Variants in RNF220 observed in about 807,000 individuals in gnomAD.
RNF220 encodes the protein E3 ubiquitin-protein ligase RNF220.
RNF220 carries 7 observed loss-of-function variants against 67.1 expected under a neutral mutation model. That is an observed-to-expected ratio of 0.10 (90% CI 0.06 to 0.20). The LOEUF (loss-of-function observed/expected upper bound fraction) is 0.20, where lower values mean the gene tolerates loss of function less well. RNF220 is among the 10% of genes least tolerant of loss of function. RNF220 has a pLI of 1.00. For missense variants in RNF220, 565 were observed against 740.3 expected, an observed-to-expected ratio of 0.76 and a Z score of 2.75; for synonymous variants, 270 against 283.2, an observed-to-expected ratio of 0.95 and a Z score of 0.47.
intron 2 of RNF220, among the ~76,000 whole-genome samples, chr1:44,510,250 AAGAGAG>A (rs370846839): frequency 2.0e-5 from 3 of 147,648 alleles, no homozygotes; most frequent in Admixed American, 6.8e-5. Flanking sequence ...AAAAAAAGGA[AAGAGAG>A]AGAGAGAGAG....
At chr1:44,516,961 C>G (rs950168170) in intron 2 of RNF220, among the ~76,000 whole-genome samples, 3 of 152,030 alleles carry the variant, frequency 2.0e-5, no homozygotes, top group African/African-American at 7.3e-5. Flanking sequence ...AAACTGTTCC[C>G]TCTCCCCTTT....
intron 2 of RNF220, among the ~76,000 whole-genome samples, chr1:44,474,990 AT>A (rs377669968): frequency 0.027 from 4,044 of 150,622 alleles, 91 homozygotes; most frequent in African/African-American, 0.069. Flanking sequence ...CAATTGGAGA[AT>A]TTTTTTTTTC....
intron 2 of RNF220, among the ~76,000 whole-genome samples, chr1:44,500,096 G>A (rs973067308): frequency 3.9e-5 from 6 of 152,180 alleles, no homozygotes; most frequent in African/African-American, 7.2e-5. Context: ...CCCTTGTTCC[G>A]GCCCTTTTAA....
Position 44,650,910 on chromosome 1 carries a change from A to G in RNF220, c.*135A>G. 3 of 685,380 alleles carry G rather than the reference A, an allele frequency of 4.4e-6. No homozygotes were observed. Among genetic ancestry groups the G allele is most frequent in the Non-Finnish European group, 7.7e-6 (3 of 389,294 alleles). The allele number at this position is 685,380 out of a possible 1,614,324, so 42.5% of individuals were successfully genotyped here. On this transcript the variant is annotated 3_prime_UTR_variant, in exon 15 of 15. Transcript: ENST00000361799. This position sits in a 1 kb window ranked among gnomAD's most constrained non-coding sequence, Gnocchi z 4.3. Reference sequence around the variant, plus strand: ...TACATGCACATACTCAAACATGCGTACACACACACACATTTACACACGCAG... The same window carrying G: ...TACATGCACATACTCAAACATGCGTGCACACACACACATTTACACACGCAG...
chr1:44,421,990 A>G (rs1230781521), intron 2 of RNF220, among the ~76,000 whole-genome samples: 2 of 152,194 alleles, frequency 1.3e-5, no homozygotes, highest in Non-Finnish European at 2.9e-5. Flanking sequence ...TCATGGCTCC[A>G]TTTAAAGGAA....
At chr1:44,627,281 G>A (rs192245508) in intron 5 of RNF220, among the ~76,000 whole-genome samples, 74 of 142,446 alleles carry the variant, frequency 5.2e-4, no homozygotes, top group African/African-American at 1.7e-3. Context: ...GGAGGCAGAG[G>A]TTGCAGTGAG....
At chr1:44,644,500 A>G in intron 8 of RNF220, 198 bp from the exon 9 acceptor site, 1 of 568,842 alleles carries the variant, frequency 1.8e-6, no homozygotes, top group South Asian at 2.1e-5. Context: ...AGTAGCAGAG[A>G]AAGATGAGGT....
At chr1:44,435,741 C>T (rs182719173) in intron 2 of RNF220, among the ~76,000 whole-genome samples, 1 of 152,150 alleles carries the variant, frequency 6.6e-6, no homozygotes, top group Admixed American at 6.5e-5. Flanking sequence ...ACCAGCCTGA[C>T]CAATATGGTG....
chr1:44,466,118 T>C (rs1381472110), intron 2 of RNF220, among the ~76,000 whole-genome samples: 2 of 152,250 alleles, frequency 1.3e-5, no homozygotes, highest in Non-Finnish European at 2.9e-5. Context: ...TCAACTAAGT[T>C]TATGTAAGAT....
At chr1:44,515,433 A>G (rs947838996) in intron 2 of RNF220, among the ~76,000 whole-genome samples, 1 of 152,218 alleles carries the variant, frequency 6.6e-6, no homozygotes, top group Non-Finnish European at 1.5e-5. Context: ...AATGATCCAC[A>G]GGATTGGCAT....
rs1658090034 is a variant in RNF220 at position 44,503,213 on chromosome 1, A to G, written c.625+90491A>G. On this transcript the variant is annotated intron_variant, in intron 2 of 14. Coordinates refer to ENST00000361799, the MANE Select transcript of RNF220 (RefSeq NM_018150.4). Reference sequence around the variant, plus strand: ...GCTGGGTATGGTGGCACATGCCTGTAATCCCAGCTATTTGGGAGGCTGAGG... The same window carrying G: ...GCTGGGTATGGTGGCACATGCCTGTGATCCCAGCTATTTGGGAGGCTGAGG... Among the ~76,000 whole-genome samples the G allele has an allele frequency of 2.0e-5, 3 of 151,982 alleles. 1 individual carries two copies. The Middle Eastern group carries it at 0.01, about 517-fold the overall frequency.
chr1:44,637,399 G>A (rs191638147), intron 8 of RNF220, among the ~76,000 whole-genome samples: 71 of 152,356 alleles, frequency 4.7e-4, no homozygotes, highest in Middle Eastern at 6.8e-3. Flanking sequence ...TGGAGCCTTC[G>A]AGTATCTGAG....
intron 2 of RNF220, among the ~76,000 whole-genome samples, chr1:44,579,254 G>C (rs950199109): frequency 5.3e-5 from 8 of 152,136 alleles, no homozygotes; most frequent in Admixed American, 5.2e-4. Flanking sequence ...GAAGAAGCAG[G>C]CAGAGGGGCT....
intron 1 of RNF220, among the ~76,000 whole-genome samples, chr1:44,408,024 G>A (rs958761010): frequency 5.3e-5 from 8 of 152,236 alleles, no homozygotes; most frequent in African/African-American, 1.4e-4. Context: ...TTCGTGCGGA[G>A]GTTGTTGGGA....
At chr1:44,551,482 T>TAG (rs1372235376) in intron 2 of RNF220, among the ~76,000 whole-genome samples, 3 of 152,148 alleles carry the variant, frequency 2.0e-5, no homozygotes, top group Non-Finnish European at 2.9e-5. Context: ...ATAATTTCCT[T>TAG]AGGTTAGGGT....
chr1:44,510,355 A>G (rs1482060552), intron 2 of RNF220, among the ~76,000 whole-genome samples: 1 of 151,958 alleles, frequency 6.6e-6, no homozygotes, highest in African/African-American at 2.4e-5. Flanking sequence ...TCCCTCAGCT[A>G]CCCCAGGGCA....
chr1:44,520,120 T>TGAGA (rs1322052489), intron 2 of RNF220, among the ~76,000 whole-genome samples: 237 of 141,810 alleles, frequency 1.7e-3, no homozygotes, highest in African/African-American at 6.3e-3. Flanking sequence ...TGTGTGTGTG[T>TGAGA]GTGTGTGTGA....
In RNF220 at chr1:44,614,269, C is replaced by T. The variant is rs770723529; in HGVS notation, c.730C>T (p.Leu244=). The change falls in exon 3 of 15, where the codon CTG becomes TTG. Residue 244 remains leucine, a synonymous_variant. Transcript: ENST00000361799. The part of the protein sequence containing the change: ...SELQEHMEQE[L]EQLAQLPSSK... Reference sequence around the variant, plus strand: ...GCTGCAGGAGCATATGGAGCAGGAACTGGAGCAGCTAGCCCAACTGCCCTC... The same window carrying T: ...GCTGCAGGAGCATATGGAGCAGGAATTGGAGCAGCTAGCCCAACTGCCCTC... 3.7e-6 allele frequency: 6 copies of T among 1,614,116 alleles called. No individual in the cohort carries two copies. The highest frequency in any genetic ancestry group is 4.2e-6 in the Non-Finnish European group (5 of 1,179,980).
At chr1:44,517,606 T>C (rs1321109400) in intron 2 of RNF220, among the ~76,000 whole-genome samples, 1 of 152,254 alleles carries the variant, frequency 6.6e-6, no homozygotes, top group Non-Finnish European at 1.5e-5. Context: ...TCTTGTTCAC[T>C]AAGTGTAAGC....
Sources: allele counts gnomAD v4.1 joint callset (sites outside exome capture counted in the v4.1 genomes callset), GRCh38; gene constraint gnomAD v4.1.1; non-coding constraint Gnocchi (gnomAD v3.1); transcripts MANE v1.5; gene names NCBI Gene and HGNC (gene_info 2026-07-23, HGNC 2026-07-21).